The following ATRNL1 variants were observed in gnomAD, a reference collection of about 807,000 sequenced individuals.
The protein encoded by ATRNL1 is attractin-like protein 1.
Under a neutral mutation model 182.7 loss-of-function variants are expected in ATRNL1, and 95 were observed. The ratio of observed to expected loss-of-function variants is 0.52; its 90% CI spans 0.44 to 0.62. The LOEUF is 0.62. Ranked by LOEUF, ATRNL1 falls within the 20% of genes least tolerant of loss-of-function variation. The pLI, the probability that ATRNL1 is intolerant of heterozygous loss-of-function variation, is 0.00. For synonymous variants in ATRNL1, 576 were observed against 568.3 expected (o/e 1.01, Z -0.19); for missense variants, 1,471 against 1,679.5 (o/e 0.88, Z 2.17).
chr10:115,672,026 T>C (rs1231658954), intron 26 of ATRNL1, among the ~76,000 whole-genome samples: 1 of 152,148 alleles, frequency 6.6e-6, no homozygotes, highest in Non-Finnish European at 1.5e-5. Flanking sequence ...AATAACATTT[T>C]AATTGTAAAT....
chr10:115,901,161 G>A (rs1374769057), intron 28 of ATRNL1, among the ~76,000 whole-genome samples: 4 of 152,032 alleles, frequency 2.6e-5, no homozygotes, highest in African/African-American at 9.7e-5. Flanking sequence ...TTGATATTTT[G>A]GTCCTACTAT....
At chr10:115,556,642 C>T (rs1482061748) in intron 26 of ATRNL1, among the ~76,000 whole-genome samples, 2 of 152,108 alleles carry the variant, frequency 1.3e-5, no homozygotes, top group Non-Finnish European at 2.9e-5. Context: ...GTGTTTAGTA[C>T]TAAGCGAATT....
intron 27 of ATRNL1, among the ~76,000 whole-genome samples, chr10:115,796,067 A>G (rs1051965639): frequency 1.3e-5 from 2 of 151,618 alleles, no homozygotes; most frequent in Non-Finnish European, 2.9e-5. Context: ...TGTCCCCTGA[A>G]TGCACACACA....
chr10:115,938,623 A>G (rs1363266378), intron 28 of ATRNL1, among the ~76,000 whole-genome samples: 2 of 152,218 alleles, frequency 1.3e-5, no homozygotes, highest in East Asian at 1.9e-4. Flanking sequence ...AAAGGGAAAA[A>G]TCAATAAAGA....
intron 19 of ATRNL1, among the ~76,000 whole-genome samples, chr10:115,362,855 A>C (rs370524585): frequency 1.1e-3 from 161 of 150,466 alleles, no homozygotes; most frequent in East Asian, 4.5e-3. Flanking sequence ...TGAACTCATC[A>C]TTTTTTATGG....
intron 8 of ATRNL1, among the ~76,000 whole-genome samples, chr10:115,181,756 G>A (rs1012347935): frequency 3.3e-5 from 5 of 151,620 alleles, no homozygotes; most frequent in South Asian, 2.1e-4. Context: ...TGCGGTGCCC[G>A]AAGTATTTTA....
chr10:115,234,590 T>C (rs1485894367), intron 9 of ATRNL1, among the ~76,000 whole-genome samples: 1 of 149,044 alleles, frequency 6.7e-6, no homozygotes, highest in East Asian at 1.9e-4. Context: ...TTTTTTCTTT[T>C]TCTTTTTTTT....
chr10:115,753,091 T>G (rs1948491787), intron 27 of ATRNL1, among the ~76,000 whole-genome samples: 1 of 152,044 alleles, frequency 6.6e-6, no homozygotes, highest in African/African-American at 2.4e-5. Context: ...TTCAGTGATG[T>G]TGTGAACATG....
intron 25 of ATRNL1, among the ~76,000 whole-genome samples, chr10:115,543,690 G>A (rs1554992755): frequency 6.6e-6 from 1 of 151,640 alleles, no homozygotes; most frequent in Non-Finnish European, 1.5e-5. Flanking sequence ...TAACGTTATA[G>A]CACACTATGT....
At chr10:115,675,619 A>G (rs1358973355) in intron 26 of ATRNL1, among the ~76,000 whole-genome samples, 1 of 151,946 alleles carries the variant, frequency 6.6e-6, no homozygotes, top group African/African-American at 2.4e-5. Context: ...CATTTTATTC[A>G]CTGCAGTTAT....
At chr10:115,486,113 T>C (rs1034116586) in intron 24 of ATRNL1, among the ~76,000 whole-genome samples, 4 of 152,294 alleles carry the variant, frequency 2.6e-5, no homozygotes, top group Non-Finnish European at 5.9e-5. Flanking sequence ...CGATGGTGTA[T>C]ATGTGCCACA....
intron 8 of ATRNL1, among the ~76,000 whole-genome samples, chr10:115,207,260 C>G (rs552484200): frequency 6.6e-6 from 1 of 152,130 alleles, no homozygotes. Flanking sequence ...TGAGGAATCA[C>G]CACACTGTCT....
intron 27 of ATRNL1, among the ~76,000 whole-genome samples, chr10:115,832,644 C>G (rs1003576226): frequency 6.6e-6 from 1 of 152,176 alleles, no homozygotes; most frequent in Non-Finnish European, 1.5e-5. Context: ...CAAGTCTCGA[C>G]TCTTCCACTC....
chr10:115,515,318 C>CTTT lies in ATRNL1; in HGVS notation c.3655-3930_3655-3928dup, dbSNP rs56692263. On this transcript the variant is annotated intron_variant, in intron 24 of 28. Coordinates refer to ENST00000355044, the MANE Select transcript of ATRNL1 (RefSeq NM_207303.4). ...ACTTACTTTTGTTAGAATAGTTGTT[C>CTTT]TTTTTTTTTTTTTTTTTGGCTTTTC... Among the ~76,000 whole-genome samples, 322 of 120,112 alleles carry CTTT rather than the reference C, an allele frequency of 2.7e-3. 4 individuals are homozygous for CTTT. The highest frequency in any genetic ancestry group is 0.022 in the Middle Eastern group (4 of 186). 78.8% of individuals were successfully genotyped at this position (120,112 alleles called of 152,430 possible). A position where few individuals can be genotyped will look rare whatever the true frequency, so the allele number is the denominator to read the frequency against.
At chr10:115,573,930 G>C (rs552119236) in intron 26 of ATRNL1, among the ~76,000 whole-genome samples, 4 of 152,244 alleles carry the variant, frequency 2.6e-5, no homozygotes, top group African/African-American at 9.6e-5. Flanking sequence ...ATTAAGAAAA[G>C]AGTTGAAAGA....
chr10:115,288,306 T>C (rs1298105427), intron 15 of ATRNL1, among the ~76,000 whole-genome samples: 5 of 152,150 alleles, frequency 3.3e-5, no homozygotes, highest in Non-Finnish European at 7.4e-5. Context: ...AACTTCTATA[T>C]TGTTCTCCAT....
chr10:115,603,468 C>A (rs782036932), intron 26 of ATRNL1, among the ~76,000 whole-genome samples: 5 of 152,104 alleles, frequency 3.3e-5, no homozygotes, highest in Non-Finnish European at 7.4e-5. Flanking sequence ...GCTCCTAGTA[C>A]CCATATCACT....
At chr10:115,125,850 C>T (rs1844948531) in intron 3 of ATRNL1, among the ~76,000 whole-genome samples, 1 of 152,184 alleles carries the variant, frequency 6.6e-6, no homozygotes, top group African/African-American at 2.4e-5. Context: ...TTACCTCCAG[C>T]CTTGAAATCA....
chr10:115,476,833 G>T (rs1174703949), intron 24 of ATRNL1, among the ~76,000 whole-genome samples: 9 of 150,968 alleles, frequency 6.0e-5, no homozygotes, highest in African/African-American at 2.2e-4. Context: ...CTAACTACTA[G>T]AAATTACTCT....
Sources: allele counts gnomAD v4.1 joint callset (sites outside exome capture counted in the v4.1 genomes callset), GRCh38; gene constraint gnomAD v4.1.1; transcripts MANE v1.5; gene names NCBI Gene and HGNC (gene_info 2026-07-23, HGNC 2026-07-21).